The following FUT8 variants were observed in gnomAD, a reference collection of about 807,000 sequenced individuals.
FUT8 encodes fucosyltransferase 8.
FUT8 carries 29 observed loss-of-function variants against 71.3 expected under a neutral mutation model. The observed-to-expected ratio is 0.41, with a 90% CI of 0.30 to 0.55. The LOEUF (loss-of-function observed/expected upper bound fraction) is 0.55. Ranked by LOEUF, FUT8 falls within the 20% of genes least tolerant of loss-of-function variation. The pLI is 0.34. For missense variants in FUT8, 544 were observed against 702.1 expected, an observed-to-expected ratio of 0.77 and a Z score of 2.55; for synonymous variants, 254 against 239.3, an observed-to-expected ratio of 1.06 and a Z score of -0.57.
At chr14:65,661,917 G>A (rs921037742) in intron 6 of FUT8, among the ~76,000 whole-genome samples, 1 of 152,158 alleles carries the variant, frequency 6.6e-6, no homozygotes, top group African/African-American at 2.4e-5. Flanking sequence ...ATGATGGTGT[G>A]TTTACTGAAT....
At chr14:65,554,432 AT>A (rs1594764611) in intron 2 of FUT8, among the ~76,000 whole-genome samples, 2 of 79,232 alleles carry the variant, frequency 2.5e-5, no homozygotes, top group Non-Finnish European at 5.5e-5. Flanking sequence ...CTATATATAT[AT>A]TATATATATA....
chr14:65,708,803 A>G (rs1894680343), intron 7 of FUT8, among the ~76,000 whole-genome samples: 1 of 152,118 alleles, frequency 6.6e-6, no homozygotes, highest in Admixed American at 6.6e-5. Context: ...ATCTCATAGG[A>G]AGAGTAGAAA....
intron 6 of FUT8, chr14:65,636,513 G>C (rs889803910): frequency 6.6e-6 from 1 of 152,046 alleles, no homozygotes; most frequent in African/African-American, 2.4e-5. Flanking sequence ...CACCACCTTT[G>C]CCATATCCCA....
intron 2 of FUT8, among the ~76,000 whole-genome samples, chr14:65,558,688 A>G (rs1401353809): frequency 4.6e-5 from 7 of 152,202 alleles, no homozygotes; most frequent in Non-Finnish European, 8.8e-5. Context: ...CATTCATTGT[A>G]GTTAGTAGAT....
chr14:65,496,039 A>G (rs2066553374), intron 2 of FUT8, among the ~76,000 whole-genome samples: 1 of 152,164 alleles, frequency 6.6e-6, no homozygotes, highest in African/African-American at 2.4e-5. Flanking sequence ...TTTAAGTAGA[A>G]AAAAATCACG....
chr14:65,650,321 A>AG (rs1728428293), intron 6 of FUT8, among the ~76,000 whole-genome samples: 1 of 147,916 alleles, frequency 6.8e-6, no homozygotes, highest in Non-Finnish European at 1.5e-5. Context: ...AAAAAAAAAA[A>AG]AAAAAACCTG....
At chr14:65,677,152 G>GTGTGTGTGTGTGTGTGCGCGCGCGCA (rs1555383261) in intron 7 of FUT8, among the ~76,000 whole-genome samples, 1 of 59,480 alleles carries the variant, frequency 1.7e-5, no homozygotes, top group Non-Finnish European at 4.6e-5. Context: ...GTGTGTGTGT[G>GTGTGTGTGTGTGTGTGCGCGCGCGCA]CGCGCGCGCA....
At chr14:65,611,217 GCGCGCGCACACACACACACACACA>G (rs1888925689) in intron 3 of FUT8, among the ~76,000 whole-genome samples, 1 of 3,178 alleles carries the variant, frequency 3.1e-4, no homozygotes, top group African/African-American at 4.9e-4. Flanking sequence ...GCGCGCGCGC[GCGCGCGCACACACACACACACACA>G]CACACACACA....
chr14:65,402,410 T>G, the FUT8 span, among the ~76,000 whole-genome samples: 2 of 151,026 alleles, frequency 1.3e-5, no homozygotes. Flanking sequence ...GGCTCACACC[T>G]GTAATCCCAG....
At position 65,476,637 on chromosome 14, in the gene FUT8, A is replaced by ATTTT. The variant is rs200882761; in HGVS notation, c.-228+20950_-228+20953dup. On this transcript the variant is annotated intron_variant, in intron 2 of 10. Coordinates refer to ENST00000673929, the MANE Select transcript of FUT8 (RefSeq NM_001371533.1). ...TCAAGTGGTAGAGTTAAAGAAGTAG[A>ATTTT]TTTTTTTTTTTTTTTTTTTTTTTTT... Among the ~76,000 whole-genome samples, 162 of 125,052 alleles carry ATTTT rather than the reference A, an allele frequency of 1.3e-3. 4 individuals carry two copies. The highest frequency in any genetic ancestry group is 4.4e-3 in the African/African-American group (141 of 32,406). 82.0% of individuals were successfully genotyped at this position (125,052 alleles called of 152,430 possible).
At chr14:65,696,866 T>C (rs1490112604) in intron 7 of FUT8, among the ~76,000 whole-genome samples, 2 of 152,192 alleles carry the variant, frequency 1.3e-5, no homozygotes, top group East Asian at 1.9e-4. Context: ...ATTTCTGTTA[T>C]GGTGTTTTTT....
chr14:65,533,492 G>A (rs545544123), intron 2 of FUT8, among the ~76,000 whole-genome samples: 1 of 152,078 alleles, frequency 6.6e-6, no homozygotes, highest in Admixed American at 6.5e-5. Flanking sequence ...AGTGATTTTT[G>A]TACATTTAAT....
At chr14:65,445,883 CT>C (rs961167417) in intron 1 of FUT8, among the ~76,000 whole-genome samples, 2 of 152,238 alleles carry the variant, frequency 1.3e-5, no homozygotes, top group African/African-American at 4.8e-5. Context: ...CTGCCTTGGC[CT>C]CCCAAAGTGT....
intron 2 of FUT8, among the ~76,000 whole-genome samples, chr14:65,558,079 C>T (rs1885692287): frequency 6.6e-6 from 1 of 151,812 alleles, no homozygotes; most frequent in Non-Finnish European, 1.5e-5. Context: ...ATCTGTAATC[C>T]CTACACTTTG....
chr14:65,633,513 G>A (rs1464722329), intron 6 of FUT8, among the ~76,000 whole-genome samples: 4 of 151,674 alleles, frequency 2.6e-5, no homozygotes, highest in Non-Finnish European at 4.4e-5. Flanking sequence ...CTGCCCAGCC[G>A]CCATCCCATC....
intron 3 of FUT8, among the ~76,000 whole-genome samples, chr14:65,579,002 T>A (rs1886938552): frequency 6.6e-6 from 1 of 152,168 alleles, no homozygotes; most frequent in African/African-American, 2.4e-5. Context: ...GAGGTACATT[T>A]AATGAATATG....
chr14:65,593,642 C>T (rs1404498714), intron 3 of FUT8, among the ~76,000 whole-genome samples: 1 of 151,810 alleles, frequency 6.6e-6, no homozygotes, highest in African/African-American at 2.4e-5. Context: ...ATGGCACTAT[C>T]TCGGCTCACC....
In FUT8 at chr14:65,483,928, A is replaced by G. The variant is rs1566777203; in HGVS notation, c.-228+28210A>G. On this transcript the variant is annotated intron_variant, in intron 2 of 10. Transcript: ENST00000673929. The surrounding 1 kb of genome is among the most constrained non-coding windows in gnomAD (Gnocchi z 4.4). The stretch of plus-strand genomic sequence containing the variant: ...TTTTTAATAGGGATGGGATTTCACC[A>G]TCTTGGCCAGGCTGGTCTCGAACTC... 6.6e-6 allele frequency among the ~76,000 whole-genome samples: 1 copy of G among 152,126 alleles called. No individual in the cohort carries two copies. Among genetic ancestry groups the G allele is most frequent in the Non-Finnish European group, 1.5e-5 (1 of 68,016 alleles).
intron 2 of FUT8, among the ~76,000 whole-genome samples, chr14:65,525,046 A>G (rs374567179): frequency 3.9e-5 from 6 of 152,146 alleles, no homozygotes; most frequent in African/African-American, 9.7e-5. Context: ...TGTCTCTGCC[A>G]GGCTTTGGTA....
Sources: allele counts gnomAD v4.1 joint callset (sites outside exome capture counted in the v4.1 genomes callset), GRCh38; gene constraint gnomAD v4.1.1; non-coding constraint Gnocchi (gnomAD v3.1); transcripts MANE v1.5; gene names NCBI Gene and HGNC (gene_info 2026-07-23, HGNC 2026-07-21).